MIOS: variants seen among roughly 807,000 people sequenced by gnomAD.
MIOS encodes the protein GATOR2 complex protein MIOS.
A neutral mutation model predicts 96.9 loss-of-function variants in MIOS; 52 were observed. The observed-to-expected ratio is 0.54, with a 90% confidence interval of 0.43 to 0.68. The LOEUF (loss-of-function observed/expected upper bound fraction) is 0.68. Among genes scored for constraint, MIOS ranks in the 30% least tolerant of loss-of-function variants. The probability of loss-of-function intolerance (pLI) is 0.00; values close to 1 mark genes in which losing one functional copy is unlikely to be tolerated. For missense variants in MIOS, 1,005 were observed against 1,052.8 expected (o/e 0.95, Z 0.63); for synonymous variants, 397 against 359.5 (o/e 1.10, Z -1.18).
At chr7:7,603,786 A>C (rs1469432278) in intron 11 of MIOS, among the ~76,000 whole-genome samples, 2 of 152,162 alleles carry the variant, frequency 1.3e-5, no homozygotes, top group Non-Finnish European at 2.9e-5. Context: ...AGCACTATTC[A>C]CAATAGCAAA....
chr7:7,589,634 A>G (rs1783991496), intron 9 of MIOS, 71 bp downstream of exon 9: 1 of 1,495,142 alleles, frequency 6.7e-7, no homozygotes, highest in South Asian at 1.3e-5. Context: ...AGTTGAAAGT[A>G]AATATGCACT....
At chr7:7,596,111 C>A in intron 10 of MIOS, 146 bp from the exon 11 acceptor site, 4 of 616,254 alleles carry the variant, frequency 6.5e-6, no homozygotes, top group South Asian at 3.3e-5. Flanking sequence ...TAAATGAAAG[C>A]TAGTCAACCT....
intron 11 of MIOS, among the ~76,000 whole-genome samples, chr7:7,597,532 A>C (rs1224007710): frequency 8.6e-6 from 1 of 116,110 alleles, no homozygotes; most frequent in South Asian, 2.7e-4. Flanking sequence ...GCAATACGTA[A>C]TGTTTTAAAT....
chr7:7,569,818 G>T (rs993524409), intron 3 of MIOS, among the ~76,000 whole-genome samples: 1 of 152,184 alleles, frequency 6.6e-6, no homozygotes, highest in African/African-American at 2.4e-5. Context: ...CCAGAAGACA[G>T]GGAACTGTGC....
intron 3 of MIOS, among the ~76,000 whole-genome samples, chr7:7,568,724 A>G (rs1783240977): frequency 6.6e-6 from 1 of 152,204 alleles, no homozygotes; most frequent in Non-Finnish European, 1.5e-5. Flanking sequence ...CTTTGCAGTA[A>G]TCTAGGACGG....
At chr7:7,569,600 G>T (rs1783279542) in intron 3 of MIOS, among the ~76,000 whole-genome samples, 1 of 152,214 alleles carries the variant, frequency 6.6e-6, no homozygotes, top group Non-Finnish European at 1.5e-5. Flanking sequence ...TAAGTGCCTA[G>T]CACTGTACTG....
At chr7:7,588,698 T>G (rs998981354) in intron 8 of MIOS, 135 bp downstream of exon 8, 3 of 461,808 alleles carry the variant, frequency 6.5e-6, no homozygotes, top group Admixed American at 4.4e-5. Flanking sequence ...AAGAATTTAT[T>G]AGATAAAAAT....
intron 9 of MIOS, among the ~76,000 whole-genome samples, chr7:7,593,017 C>T (rs1181852413): frequency 6.6e-6 from 1 of 152,132 alleles, no homozygotes; most frequent in Non-Finnish European, 1.5e-5. Flanking sequence ...CATTACAGAT[C>T]ATGTTGTGGC....
Position 7,574,103 on chromosome 7 carries a change from A to C in MIOS, c.1300A>C (p.Lys434Gln). ...KSLWYTLHFM[K>Q]QYTEDMDQKS... ...TTTCCTATGCATTTAAATACTTATG[A>C]AGCAATACACAGAAGATATGGATCA... The change falls in exon 5 of 13, where the codon AAG becomes CAG. Residue 434 changes from lysine (K) to glutamine (Q), a missense_variant. Lys to Gln is a moderately conservative substitution (Grantham distance 53). Around this residue, in one of 3 missense-constraint regions of MIOS, gnomAD observed 865 missense variants for 887.9 expected, o/e 0.97. Coordinates refer to ENST00000340080, the MANE Select transcript of MIOS (RefSeq NM_019005.4). The C allele has an allele frequency of 3.1e-6, 5 of 1,599,988 alleles. No individual in the cohort carries two copies. The highest frequency in any genetic ancestry group is 4.3e-6 in the Non-Finnish European group (5 of 1,171,528).
intron 11 of MIOS, among the ~76,000 whole-genome samples, chr7:7,602,204 G>C (rs1466128627): frequency 6.6e-6 from 1 of 152,164 alleles, no homozygotes; most frequent in Non-Finnish European, 1.5e-5. Context: ...ATTCAACATA[G>C]TGTTGGAAGT....
At chr7:7,575,302 G>T (rs1185828486) in intron 5 of MIOS, among the ~76,000 whole-genome samples, 2 of 152,024 alleles carry the variant, frequency 1.3e-5, no homozygotes, top group African/African-American at 4.8e-5. Flanking sequence ...TAATTAAACT[G>T]TTACATTATA....
rs1187063887 is a variant in MIOS at position 7,583,147 on chromosome 7, A to G, written c.1423A>G (p.Ser475Gly). Reference sequence around the variant, plus strand: ...GGTGGAAAGCAGCAGACATAATTGGAGTGGGTTGGATAAGCAAAGTGATAT... The same window carrying G: ...GGTGGAAAGCAGCAGACATAATTGGGGTGGGTTGGATAAGCAAAGTGATAT... ...GMVESSRHNW[S>G]GLDKQSDIQN... Residue 475 changes from serine (S) to glycine (G), a missense_variant, in exon 6 of 13, where the codon AGT (serine) becomes GGT (glycine). Transcript: ENST00000340080. 6.2e-7 allele frequency: 1 copy of G among 1,613,788 alleles called. No homozygotes were observed.
intron 11 of MIOS, among the ~76,000 whole-genome samples, chr7:7,603,056 T>C (rs1455851646): frequency 2.6e-5 from 4 of 151,968 alleles, no homozygotes; most frequent in African/African-American, 4.8e-5. Flanking sequence ...TTACACCTTA[T>C]ACAAAAATTA....
chr7:7,573,517 T>A lies in MIOS; in HGVS notation c.1042T>A (p.Ser348Thr). ...MIVVTPNRTM[S>T]DFTVFERISL... ...AGTTGTAACTCCCAACCGAACAATGTCAGACTTCACTGTTTTTGAAAGGAT... is the reference window on the plus strand; with the variant it reads ...AGTTGTAACTCCCAACCGAACAATGACAGACTTCACTGTTTTTGAAAGGAT... Residue 348 changes from serine (S) to threonine (T), a missense_variant, in exon 4 of 13, where the codon TCA becomes ACA. Around this residue, in one of 3 missense-constraint regions of MIOS, gnomAD observed 865 missense variants for 887.9 expected, o/e 0.97. Transcript: ENST00000340080. The surrounding 1 kb of genome is among the most constrained non-coding windows in gnomAD (Gnocchi z 5.0). The A allele has an allele frequency of 6.2e-7, 1 of 1,614,134 alleles. No homozygotes were observed. The highest frequency in any genetic ancestry group is 8.5e-7 in the Non-Finnish European group (1 of 1,179,958).
In MIOS at chr7:7,573,076, C is replaced by T; in HGVS notation, c.601C>T (p.Leu201Phe). ...GCTTCCACGAGACCAGAAACTTCTC[C>T]TTGCTGGTATGCATCGTAACCTAGC... is the stretch of plus-strand genomic sequence containing the variant. ...CWLPRDQKLL[L>F]AGMHRNLAIF... The change falls in exon 4 of 13, where the codon CTT becomes TTT. Residue 201 changes from leucine to phenylalanine, a missense_variant. Physicochemically the swap from Leu to Phe is conservative, Grantham distance 22. Transcript: ENST00000340080. The surrounding 1 kb of genome is among the most constrained non-coding windows in gnomAD (Gnocchi z 5.0). 6.2e-7 allele frequency: 1 copy of T among 1,614,030 alleles called. No homozygotes were observed. Among genetic ancestry groups the T allele is most frequent in the East Asian group, 2.2e-5 (1 of 44,886 alleles).
At chr7:7,587,922 A>G (rs1783940119) in intron 7 of MIOS, among the ~76,000 whole-genome samples, 1 of 152,186 alleles carries the variant, frequency 6.6e-6, no homozygotes, top group Admixed American at 6.5e-5. Context: ...CGAGTTTACA[A>G]AAATTTTAGT....
intron 11 of MIOS, among the ~76,000 whole-genome samples, chr7:7,600,567 C>T (rs1784346366): frequency 1.3e-5 from 2 of 152,256 alleles, no homozygotes; most frequent in South Asian, 4.1e-4. Flanking sequence ...ATTCATAAAG[C>T]AAGTCCTTAG....
chr7:7,581,945 T>TA (rs1355708115), intron 5 of MIOS: 1 of 148,078 alleles, frequency 6.8e-6, no homozygotes, highest in Non-Finnish European at 1.5e-5. Flanking sequence ...TGTATTCTGT[T>TA]ATCTCGAGAC....
Position 7,595,034 on chromosome 7 carries a change from T to C in MIOS, c.2098T>C (p.Tyr700His). 1.9e-6 allele frequency: 3 copies of C among 1,613,746 alleles called. No individual in the cohort carries two copies. The highest frequency in any genetic ancestry group is 2.5e-6 in the Non-Finnish European group (3 of 1,179,706). Residue 700 changes from tyrosine (Y) to histidine (H), a missense_variant, in exon 10 of 13, where the codon TAT (tyrosine) becomes CAT (histidine). Coordinates refer to ENST00000340080, the MANE Select transcript of MIOS (RefSeq NM_019005.4). ...DERVQYWIEN[Y>H]RNLLDAWRFW... Reference sequence around the variant, plus strand: ...AAGGGTTCAGTACTGGATTGAGAATTATAGAAATTTATTAGATGCCTGGAG... The same window carrying C: ...AAGGGTTCAGTACTGGATTGAGAATCATAGAAATTTATTAGATGCCTGGAG...
Sources: gnomAD v4.1 joint callset for allele counts (sites outside exome capture counted in the v4.1 genomes callset) on GRCh38, gnomAD v4.1.1 for gene constraint, gnomAD v4.1.1 regional missense constraint, Gnocchi (gnomAD v3.1) non-coding constraint, MANE v1.5 for transcripts, NCBI Gene and HGNC (gene_info 2026-07-23, HGNC 2026-07-21) for gene names.